The following SRPX variants were observed in gnomAD, a reference collection of about 807,000 sequenced individuals.
SRPX encodes sushi repeat containing protein X-linked.
Under a neutral mutation model 38.1 loss-of-function variants are expected in SRPX, and 24 were observed. The observed-to-expected ratio is 0.63, with a 90% CI of 0.46 to 0.89. SRPX has a LOEUF of 0.89. Ranked by LOEUF, SRPX falls within the 40% of genes least tolerant of loss-of-function variation. SRPX has a pLI of 0.00. For missense variants in SRPX, 416 were observed against 377.8 expected (o/e 1.10, Z -0.84); for synonymous variants, 184 against 153.8 (o/e 1.20, Z -1.45).
At chrX:38,201,554 G>A (rs923498903) in intron 1 of SRPX, among the ~76,000 whole-genome samples, 2 of 111,899 alleles carry the variant, frequency 1.8e-5, no homozygotes, top group African/African-American at 6.5e-5. Context: ...ATTTGGGGCC[G>A]GGCATGGTGG....
intron 1 of SRPX, among the ~76,000 whole-genome samples, chrX:38,212,333 A>C (rs73206737): frequency 0.039 from 4,350 of 111,741 alleles, 113 homozygotes; most frequent in Non-Finnish European, 0.058. Context: ...GACTTAGGAA[A>C]GGAAGGTCAG....
At chrX:38,196,612 G>A (rs137859983) in intron 1 of SRPX, among the ~76,000 whole-genome samples, 94 of 112,356 alleles carry the variant, frequency 8.4e-4, no homozygotes, top group African/African-American at 2.8e-3. Context: ...AGCTGGGGAG[G>A]ACAAGCTCTT....
chrX:38,219,205 G>A (rs892568445), intron 1 of SRPX, among the ~76,000 whole-genome samples: 1 of 110,772 alleles, frequency 9.0e-6, no homozygotes, highest in Non-Finnish European at 1.9e-5. Flanking sequence ...GGAGAACGGA[G>A]GGAGGTCGGA....
intron 1 of SRPX, among the ~76,000 whole-genome samples, chrX:38,199,267 G>T (rs1416056951): frequency 9.0e-6 from 1 of 111,644 alleles, no homozygotes; most frequent in Non-Finnish European, 1.9e-5. Context: ...TTAGCCAGGC[G>T]TGGTGGCGGG....
At chrX:38,218,744 T>C (rs1157546605) in intron 1 of SRPX, among the ~76,000 whole-genome samples, 1 of 111,795 alleles carries the variant, frequency 8.9e-6, no homozygotes, top group Non-Finnish European at 1.9e-5. Flanking sequence ...ACTCAGCCTA[T>C]GTGATTTGCT....
At chrX:38,216,687 G>T (rs1939426614) in intron 1 of SRPX, among the ~76,000 whole-genome samples, 1 of 112,472 alleles carries the variant, frequency 8.9e-6, no homozygotes. Context: ...TTCATACTAT[G>T]TTATAGCCTG....
intron 1 of SRPX, among the ~76,000 whole-genome samples, chrX:38,207,558 T>C (rs763465238): frequency 8.9e-6 from 1 of 112,050 alleles, no homozygotes; most frequent in Non-Finnish European, 1.9e-5. Context: ...CTCTCCTCTA[T>C]AGAGGTCAAA....
At chrX:38,181,065 T>C (rs62587006) in intron 1 of SRPX, among the ~76,000 whole-genome samples, 31,176 of 111,595 alleles carry the variant, frequency 0.28, 4,017 homozygotes, top group Non-Finnish European at 0.4. Context: ...TACAAAGATA[T>C]GTACGGTAAT....
intron 4 of SRPX, among the ~76,000 whole-genome samples, chrX:38,166,129 G>T (rs1938360037): frequency 8.9e-6 from 1 of 112,476 alleles, no homozygotes; most frequent in Non-Finnish European, 1.9e-5. Flanking sequence ...TAAGTATTAA[G>T]TGCTATTACT....
At chrX:38,217,348 A>G (rs952910378) in intron 1 of SRPX, among the ~76,000 whole-genome samples, 1 of 112,182 alleles carries the variant, frequency 8.9e-6, no homozygotes, top group African/African-American at 3.2e-5. Context: ...AGCGATCAAG[A>G]AAAGGTCTCA....
chrX:38,202,312 C>T (rs1939127169), intron 1 of SRPX, among the ~76,000 whole-genome samples: 1 of 110,950 alleles, frequency 9.0e-6, no homozygotes, highest in Admixed American at 9.6e-5. Flanking sequence ...GGACAATATC[C>T]ATATGTTTAA....
intron 1 of SRPX, among the ~76,000 whole-genome samples, chrX:38,215,360 C>T (rs73206745): frequency 2.3e-3 from 258 of 111,586 alleles, no homozygotes; most frequent in Non-Finnish European, 3.5e-3. Context: ...CCGTAAGATC[C>T]AGGTGCTACC....
intron 1 of SRPX, among the ~76,000 whole-genome samples, chrX:38,191,456 A>G (rs1438127313): frequency 9.0e-6 from 1 of 111,724 alleles, no homozygotes; most frequent in Non-Finnish European, 1.9e-5. Context: ...AGATTAGAAT[A>G]GGGGAAAATA....
At chrX:38,201,625 A>G (rs1939113245) in intron 1 of SRPX, among the ~76,000 whole-genome samples, 1 of 111,266 alleles carries the variant, frequency 9.0e-6, no homozygotes, top group Non-Finnish European at 1.9e-5. Context: ...AGGTCAGGAG[A>G]TCGAGACCAC....
chrX:38,169,899 C>T (rs1288337582), intron 4 of SRPX, among the ~76,000 whole-genome samples: 1 of 111,593 alleles, frequency 9.0e-6, no homozygotes, highest in Non-Finnish European at 1.9e-5. Context: ...GAAAAATATC[C>T]CCCGAAAACA....
intron 1 of SRPX, among the ~76,000 whole-genome samples, chrX:38,207,278 G>T (rs752441230): frequency 1.8e-5 from 2 of 112,103 alleles, no homozygotes; most frequent in East Asian, 5.6e-4. Flanking sequence ...TACTACGAAG[G>T]GCCAAAGTGT....
intron 1 of SRPX, among the ~76,000 whole-genome samples, chrX:38,205,579 T>A (rs1939192482): frequency 8.9e-6 from 1 of 112,066 alleles, no homozygotes; most frequent in Non-Finnish European, 1.9e-5. Flanking sequence ...ACAAAGATTT[T>A]CTCCCATGTT....
At chrX:38,209,612 A>T (rs1404270968) in intron 1 of SRPX, among the ~76,000 whole-genome samples, 2 of 112,030 alleles carry the variant, frequency 1.8e-5, no homozygotes, top group African/African-American at 6.5e-5. Context: ...CTCAAATGAA[A>T]GCCATTTGGA....
rs1227936779 is a variant in SRPX, at chrX:38,154,500, T to C, written c.1173A>G (p.Gly391=). 1 of 1,206,202 alleles carries C rather than the reference T, an allele frequency of 8.3e-7. No homozygotes were observed. Among genetic ancestry groups the C allele is most frequent in the Admixed American group, 2.2e-5 (1 of 45,461 alleles). ...CTAGGGCTGGAGGCATAATCTTTGC[T>C]CCTATCCTGCCAATGAGAGTCGGGA... ...GVFPTLIGRI[G]AKIMPPALAL... is the part of the protein sequence containing the mutation. The change falls in exon 9 of 10, where the codon GGA becomes GGG. Residue 391 remains glycine, a synonymous_variant. Transcript: ENST00000378533.
Sources: gnomAD v4.1 joint callset for allele counts (sites outside exome capture counted in the v4.1 genomes callset) on GRCh38, gnomAD v4.1.1 for gene constraint, MANE v1.5 for transcripts, NCBI Gene and HGNC (gene_info 2026-07-23, HGNC 2026-07-21) for gene names.